The following PCDH15 variants were observed in gnomAD, a reference collection of about 807,000 sequenced individuals.
The protein encoded by PCDH15 is protocadherin related 15.
In PCDH15, 129 loss-of-function variants were observed where a neutral mutation model predicts 178.5. The observed-to-expected ratio is 0.72, with a 90% CI of 0.63 to 0.84. PCDH15 has a LOEUF of 0.84. PCDH15 is among the 40% of genes least tolerant of loss of function. PCDH15 has a pLI of 0.00. For synonymous variants in PCDH15, 800 were observed against 732.0 expected (o/e 1.09, Z -1.50); for missense variants, 2,230 against 2,099.9 (o/e 1.06, Z -1.21).
chr10:53,825,075 A>G, intron 32 of PCDH15: 1 of 1,459,338 alleles, frequency 6.9e-7, no homozygotes, highest in Non-Finnish European at 9.1e-7. Flanking sequence ...CAGCATTTTA[A>G]TCTGTTCTAT....
At chr10:53,814,618 G>C (rs1032943258) in intron 35 of PCDH15, among the ~76,000 whole-genome samples, 1 of 152,038 alleles carries the variant, frequency 6.6e-6, no homozygotes, top group African/African-American at 2.4e-5. Flanking sequence ...GTCCCTCTTG[G>C]ATGCTTCCAC....
chr10:55,412,084 G>T (rs1838351190), intron 2 of PCDH15, among the ~76,000 whole-genome samples: 1 of 151,862 alleles, frequency 6.6e-6, no homozygotes, highest in African/African-American at 2.4e-5. Flanking sequence ...TGATCAGAGG[G>T]GCAAATGTGA....
At chr10:54,570,182 G>A (rs144405203) in intron 2 of PCDH15, among the ~76,000 whole-genome samples, 124 of 152,138 alleles carry the variant, frequency 8.2e-4, no homozygotes, top group Non-Finnish European at 5.1e-4. Flanking sequence ...AGTGCCATGT[G>A]GAACCATACT....
chr10:54,454,911 T>C (rs2076720230), intron 3 of PCDH15, among the ~76,000 whole-genome samples: 1 of 152,178 alleles, frequency 6.6e-6, no homozygotes, highest in African/African-American at 2.4e-5. Context: ...TCTTGAATTG[T>C]AATTCCCATA....
chr10:54,451,666 A>G (rs982167581), intron 3 of PCDH15, among the ~76,000 whole-genome samples: 1 of 151,974 alleles, frequency 6.6e-6, no homozygotes, highest in Non-Finnish European at 1.5e-5. Context: ...ATATTTAAGA[A>G]TTAATGGAAA....
At chr10:53,973,134 C>G (rs527786932) in intron 21 of PCDH15, among the ~76,000 whole-genome samples, 2 of 152,094 alleles carry the variant, frequency 1.3e-5, no homozygotes, top group African/African-American at 4.8e-5. Context: ...AGCTCATGTC[C>G]TTTGTAGGGA....
chr10:55,167,149 T>C (rs1211452370), intron 1 of PCDH15, among the ~76,000 whole-genome samples: 1 of 152,200 alleles, frequency 6.6e-6, no homozygotes, highest in Non-Finnish European at 1.5e-5. Flanking sequence ...GGTCTTGCCC[T>C]GTTGCCCAGA....
intron 2 of PCDH15, among the ~76,000 whole-genome samples, chr10:54,914,832 G>A (rs143441172): frequency 6.6e-6 from 1 of 152,266 alleles, no homozygotes; most frequent in African/African-American, 2.4e-5. Context: ...AGATTTGCTT[G>A]ACATTCATAT....
intron 2 of PCDH15, among the ~76,000 whole-genome samples, chr10:55,511,051 GTTTT>G (rs543684590): frequency 6.9e-6 from 1 of 145,262 alleles, no homozygotes; most frequent in African/African-American, 2.5e-5. Flanking sequence ...TTGTTTGTTT[GTTTT>G]TTTTTTTAGA....
At chr10:55,097,067 C>T (rs1447827155) in intron 2 of PCDH15, among the ~76,000 whole-genome samples, 2 of 152,044 alleles carry the variant, frequency 1.3e-5, no homozygotes, top group Non-Finnish European at 2.9e-5. Flanking sequence ...GAAAACTATA[C>T]TGTTATGCCT....
chr10:55,207,375 G>C lies in PCDH15; in HGVS notation c.-155-40724C>G, dbSNP rs190077581. ...ATTCCCTAAACCTCAGAAGACTGAA[G>C]CGTATTTGCCTAAATTAGTAGTTGT... On this transcript the variant is annotated intron_variant, in intron 1 of 5. Transcript: ENST00000458638. 7.9e-5 allele frequency among the ~76,000 whole-genome samples: 12 copies of C among 152,122 alleles called. No individual in the cohort carries two copies. The East Asian group carries it at 2.3e-3, about 29-fold the overall frequency.
chr10:54,953,583 T>C (rs1429727938), intron 2 of PCDH15, among the ~76,000 whole-genome samples: 1 of 151,404 alleles, frequency 6.6e-6, no homozygotes, highest in Non-Finnish European at 1.5e-5. Context: ...TTCATTCATG[T>C]CTTTTTGACG....
At chr10:53,947,685 T>C (rs1234704019) in intron 23 of PCDH15, among the ~76,000 whole-genome samples, 2 of 152,138 alleles carry the variant, frequency 1.3e-5, no homozygotes, top group Non-Finnish European at 2.9e-5. Flanking sequence ...GAGATGCTAG[T>C]TCTTCCAGAA....
chr10:55,181,375 T>C (rs1839642001), intron 1 of PCDH15, among the ~76,000 whole-genome samples: 1 of 152,028 alleles, frequency 6.6e-6, no homozygotes, highest in African/African-American at 2.4e-5. Flanking sequence ...ATGTATTGAA[T>C]TTGAACTCTT....
In PCDH15 at chr10:54,100,226, G is replaced by A. The variant is rs142481593; in HGVS notation, c.1918-10163C>T. Among the ~76,000 whole-genome samples the A allele has an allele frequency of 4.3e-3, 655 of 152,010 alleles. 6 individuals carry two copies. The highest frequency in any genetic ancestry group is 0.015 in the African/African-American group (620 of 41,444). On this transcript the variant is annotated intron_variant, in intron 15 of 37. Transcript: ENST00000644397. ...CTAAAAACACAAAAATTTGCCGGGC[G>A]TAGTGGTGTGCATTTGTAATCCCAG...
chr10:55,042,251 A>G (rs1458440266), intron 2 of PCDH15, among the ~76,000 whole-genome samples: 1 of 152,152 alleles, frequency 6.6e-6, no homozygotes, highest in Non-Finnish European at 1.5e-5. Context: ...CAGGAGCTCA[A>G]CAAATTATAT....
At chr10:55,193,773 G>T (rs934032425) in intron 1 of PCDH15, among the ~76,000 whole-genome samples, 1 of 151,718 alleles carries the variant, frequency 6.6e-6, no homozygotes, top group Non-Finnish European at 1.5e-5. Context: ...TTGTGTACAT[G>T]GAAGTTCAAA....
At chr10:54,860,960 GGTAT>G (rs1198227838) in intron 3 of PCDH15, among the ~76,000 whole-genome samples, 2 of 152,034 alleles carry the variant, frequency 1.3e-5, no homozygotes, top group East Asian at 3.9e-4. Flanking sequence ...TCTTTTTAAT[GGTAT>G]GTTTTAATTT....
intron 2 of PCDH15, chr10:54,600,305 A>T: frequency 1.8e-6 from 1 of 542,468 alleles, no homozygotes; most frequent in Non-Finnish European, 3.6e-6. Flanking sequence ...AGTGATAAAG[A>T]TTCCAAGGAA....
Sources: gnomAD v4.1 joint callset for allele counts (sites outside exome capture counted in the v4.1 genomes callset) on GRCh38, gnomAD v4.1.1 for gene constraint, MANE v1.5 for transcripts, NCBI Gene and HGNC (gene_info 2026-07-23, HGNC 2026-07-21) for gene names.